The following PCDH15 variants were observed in gnomAD, a reference collection of about 807,000 sequenced individuals.
The protein encoded by PCDH15 is protocadherin related 15, also known as protocadherin-15.
Under a neutral mutation model 178.5 loss-of-function variants are expected in PCDH15, and 129 were observed. The ratio of observed to expected loss-of-function variants is 0.72; its 90% CI spans 0.63 to 0.84. The LOEUF is 0.84. Among genes scored for constraint, PCDH15 ranks in the 40% least tolerant of loss-of-function variants. The probability of loss-of-function intolerance (pLI) is 0.00; values close to 1 mark genes in which losing one functional copy is unlikely to be tolerated. For synonymous variants in PCDH15, 800 were observed against 732.0 expected (o/e 1.09, Z -1.50); for missense variants, 2,230 against 2,099.9 (o/e 1.06, Z -1.21).
chr10:53,827,809 A>C (rs1481368135), intron 31 of PCDH15, among the ~76,000 whole-genome samples: 1 of 152,178 alleles, frequency 6.6e-6, no homozygotes, highest in Non-Finnish European at 1.5e-5. Context: ...AATTAAATTA[A>C]ATGATAATCT....
chr10:54,533,467 A>G (rs1444857674), intron 2 of PCDH15, among the ~76,000 whole-genome samples: 3 of 152,172 alleles, frequency 2.0e-5, no homozygotes, highest in African/African-American at 7.2e-5. Flanking sequence ...GCTCACAATA[A>G]TAGACAAAGT....
At chr10:55,061,651 G>A (rs953882063) in intron 2 of PCDH15, among the ~76,000 whole-genome samples, 3 of 152,168 alleles carry the variant, frequency 2.0e-5, no homozygotes, top group Non-Finnish European at 4.4e-5. Context: ...AAGCAACCAA[G>A]ATGCCCTTCA....
intron 15 of PCDH15, among the ~76,000 whole-genome samples, chr10:54,118,521 G>A (rs1343229938): frequency 2.0e-5 from 3 of 151,982 alleles, no homozygotes; most frequent in African/African-American, 7.2e-5. Flanking sequence ...TTAGCCAGGC[G>A]TGGTGGCAGG....
chr10:55,295,378 C>T (rs1257223979), intron 1 of PCDH15, among the ~76,000 whole-genome samples: 1 of 152,214 alleles, frequency 6.6e-6, no homozygotes, highest in Non-Finnish European at 1.5e-5. Context: ...TCCACAAATC[C>T]ATGCACAGAA....
chr10:54,724,383 G>A (rs1276711106), intron 1 of PCDH15, among the ~76,000 whole-genome samples: 1 of 151,742 alleles, frequency 6.6e-6, no homozygotes, highest in East Asian at 2.0e-4. Context: ...AAAAATGAGC[G>A]AGGGTAGAAA....
intron 3 of PCDH15, among the ~76,000 whole-genome samples, chr10:54,421,899 A>G (rs1253740460): frequency 1.2e-5 from 1 of 83,448 alleles, no homozygotes; most frequent in Non-Finnish European, 2.3e-5. Flanking sequence ...CACACACTAT[A>G]TATATATATA....
At chr10:55,246,038 G>A (rs1841670166) in intron 1 of PCDH15, among the ~76,000 whole-genome samples, 1 of 152,114 alleles carries the variant, frequency 6.6e-6, no homozygotes, top group Non-Finnish European at 1.5e-5. Flanking sequence ...AGCAGCATCT[G>A]GAAAATCAAT....
chr10:55,582,615 TATATATA>T (rs1226434560), intron 2 of PCDH15, among the ~76,000 whole-genome samples: 30 of 96,608 alleles, frequency 3.1e-4, no homozygotes, highest in African/African-American at 1.1e-3. Flanking sequence ...TATATATATA[TATATATA>T]TATATATTTT....
At chr10:54,268,380 C>T (rs1041967047) in intron 8 of PCDH15, among the ~76,000 whole-genome samples, 1 of 151,862 alleles carries the variant, frequency 6.6e-6, no homozygotes, top group Non-Finnish European at 1.5e-5. Context: ...GAATTTATGA[C>T]TAAGTACTAA....
intron 2 of PCDH15, chr10:54,600,761 G>T: frequency 2.1e-6 from 1 of 483,134 alleles, no homozygotes; most frequent in South Asian, 1.7e-5. Context: ...AAACAGAACA[G>T]ATTCTCCCAT....
chr10:54,357,874 T>C (rs1368791474), intron 5 of PCDH15, among the ~76,000 whole-genome samples: 1 of 152,024 alleles, frequency 6.6e-6, no homozygotes, highest in African/African-American at 2.4e-5. Context: ...TCTACAACTA[T>C]CTGATCTTTG....
chr10:55,263,956 G>A (rs528654407), intron 1 of PCDH15, among the ~76,000 whole-genome samples: 1 of 150,248 alleles, frequency 6.7e-6, no homozygotes, highest in Non-Finnish European at 1.5e-5. Context: ...GGATGGTCTC[G>A]ATCTCCGGAC....
At chr10:54,577,255 T>TA (rs1052598006) in intron 2 of PCDH15, among the ~76,000 whole-genome samples, 1 of 150,642 alleles carries the variant, frequency 6.6e-6, no homozygotes, top group African/African-American at 2.4e-5. Flanking sequence ...GCTAATTTTT[T>TA]TTTTTTTTTG....
intron 2 of PCDH15, among the ~76,000 whole-genome samples, chr10:55,117,044 G>A (rs1837643967): frequency 6.6e-6 from 1 of 152,046 alleles, no homozygotes; most frequent in African/African-American, 2.4e-5. Context: ...ATCAAACTTA[G>A]CATAAAAATA....
chr10:55,103,886 AG>A (rs2132048637), intron 2 of PCDH15, among the ~76,000 whole-genome samples: 1 of 152,264 alleles, frequency 6.6e-6, no homozygotes, highest in South Asian at 2.1e-4. Flanking sequence ...CTTACTGACA[AG>A]GTACTTTCCT....
chr10:54,545,660 T>C lies in PCDH15; in HGVS notation c.92-17783A>G, dbSNP rs140022455. ...TGTCCTTTGAATGAAAAATTTTACTTTGGGATCTATAGCAATATAGAGATA... is the reference window on the plus strand; with the variant it reads ...TGTCCTTTGAATGAAAAATTTTACTCTGGGATCTATAGCAATATAGAGATA... On this transcript the variant is annotated intron_variant, in intron 2 of 37. Transcript: ENST00000644397. 3.1e-3 allele frequency among the ~76,000 whole-genome samples: 477 copies of C among 152,192 alleles called. 3 individuals are homozygous for C. Among genetic ancestry groups the C allele is most frequent in the African/African-American group, 0.011 (445 of 41,520 alleles).
intron 1 of PCDH15, among the ~76,000 whole-genome samples, chr10:54,715,333 C>G (rs963022734): frequency 1.3e-5 from 2 of 152,172 alleles, no homozygotes; most frequent in African/African-American, 2.4e-5. Flanking sequence ...CTTATTCCCC[C>G]AAGTGTAGAT....
chr10:54,877,938 CTTTTTTTTTTTTTTTTTTTT>C (rs1203452904), intron 3 of PCDH15, among the ~76,000 whole-genome samples: 8 of 8,084 alleles, frequency 9.9e-4, no homozygotes, highest in Admixed American at 1.7e-3. Context: ...CTCTCTCTCT[CTTTTTTTTTTTTTTTTTTTT>C]TTTTTTTTTT....
chr10:54,304,705 T>C (rs1420440153), intron 8 of PCDH15, among the ~76,000 whole-genome samples: 4 of 152,028 alleles, frequency 2.6e-5, no homozygotes, highest in Non-Finnish European at 5.9e-5. Context: ...CCTGATTGGC[T>C]GTGTGAAAAA....
Sources: gnomAD v4.1 joint callset for allele counts (sites outside exome capture counted in the v4.1 genomes callset) on GRCh38, gnomAD v4.1.1 for gene constraint, MANE v1.5 for transcripts, NCBI Gene and HGNC (gene_info 2026-07-23, HGNC 2026-07-21) for gene names.